Variants in LARGE1 observed in about 807,000 individuals in gnomAD.
LARGE1 encodes the protein LARGE xylosyl- and glucuronyltransferase 1.
A neutral mutation model predicts 87.6 loss-of-function variants in LARGE1; 43 were observed. That is an observed-to-expected ratio of 0.49 (90% CI 0.38 to 0.63). The LOEUF (loss-of-function observed/expected upper bound fraction) is 0.63. Among genes scored for constraint, LARGE1 ranks in the 30% least tolerant of loss-of-function variants. The pLI, the probability that LARGE1 is intolerant of heterozygous loss-of-function variation, is 0.00. For missense variants in LARGE1, 802 were observed against 1,000.2 expected (o/e 0.80, Z 2.67); for synonymous variants, 434 against 394.6 (o/e 1.10, Z -1.18).
intron 2 of LARGE1, among the ~76,000 whole-genome samples, chr22:33,748,914 T>C (rs1040147168): frequency 6.6e-6 from 1 of 152,198 alleles, no homozygotes; most frequent in Non-Finnish European, 1.5e-5. Flanking sequence ...ATATCACAGT[T>C]CTCTAGGTTT....
At chr22:33,433,607 C>CA (rs57605083) in intron 6 of LARGE1, among the ~76,000 whole-genome samples, 1,026 of 88,240 alleles carry the variant, frequency 0.012, 6 homozygotes, top group Middle Eastern at 0.059. Flanking sequence ...AAAAACAAAA[C>CA]AAAAAAAAAA....
intron 3 of LARGE1, among the ~76,000 whole-genome samples, chr22:33,636,616 T>C (rs2080275278): frequency 6.6e-6 from 1 of 152,090 alleles, no homozygotes; most frequent in Non-Finnish European, 1.5e-5. Context: ...CAGCCTCAAA[T>C]TCCTGGGCTC....
intron 5 of LARGE1, among the ~76,000 whole-genome samples, chr22:33,597,160 T>C (rs573825057): frequency 9.4e-4 from 142 of 150,754 alleles, no homozygotes; most frequent in Non-Finnish European, 1.6e-3. Context: ...CACTGAACTA[T>C]AAACCAGGCC....
chr22:33,096,560 GTTTTTGTTTT>G, the LARGE1 span, among the ~76,000 whole-genome samples: 619 of 127,520 alleles, frequency 4.9e-3, 5 homozygotes, highest in African/African-American at 0.017. Context: ...GTTTGTTTTT[GTTTTTGTTTT>G]TTTTTTTTTT....
intron 9 of LARGE1, among the ~76,000 whole-genome samples, chr22:33,381,533 C>A (rs2065158042): frequency 6.6e-6 from 1 of 152,168 alleles, no homozygotes; most frequent in African/African-American, 2.4e-5. Context: ...TCCTCCAAGT[C>A]ATACATGACT....
intron 11 of LARGE1, among the ~76,000 whole-genome samples, chr22:33,239,535 C>CTTTTTTTTTTT (rs71187254): frequency 1.0e-4 from 10 of 95,314 alleles, no homozygotes; most frequent in Non-Finnish European, 1.8e-4. Flanking sequence ...TTTTTCTTTT[C>CTTTTTTTTTTT]TTTTTTTTTT....
chr22:33,454,623 AAAAAAAAAAAAAG>A (rs2068059931), intron 6 of LARGE1, among the ~76,000 whole-genome samples: 1 of 150,386 alleles, frequency 6.6e-6, no homozygotes, highest in African/African-American at 2.5e-5. Flanking sequence ...GTCTAAAAAA[AAAAAAAAAAAAAG>A]AAGAAGAAGA....
intron 2 of LARGE1, among the ~76,000 whole-genome samples, chr22:33,654,812 A>G (rs140126632): frequency 6.6e-6 from 1 of 152,348 alleles, no homozygotes; most frequent in East Asian, 1.9e-4. Context: ...AGACAGCAAG[A>G]GAGGCATGGA....
chr22:33,149,536 T>C, the LARGE1 span, among the ~76,000 whole-genome samples: 3 of 152,196 alleles, frequency 2.0e-5, no homozygotes, highest in African/African-American at 7.2e-5. Context: ...TGTGTTTGTT[T>C]CCTATTGCTG....
intron 4 of LARGE1, among the ~76,000 whole-genome samples, chr22:33,623,454 G>A (rs957068477): frequency 5.3e-5 from 8 of 152,116 alleles, no homozygotes; most frequent in African/African-American, 1.9e-4. Context: ...ACAGCGCTAT[G>A]AGGAAGAACT....
intron 1 of LARGE1, among the ~76,000 whole-genome samples, chr22:33,807,598 T>C (rs1386434049): frequency 6.6e-6 from 1 of 152,238 alleles, no homozygotes. Flanking sequence ...TTGAGGAATA[T>C]GTAATTACAC....
chr22:33,862,161 G>A (rs894510851), intron 1 of LARGE1, among the ~76,000 whole-genome samples: 22 of 152,144 alleles, frequency 1.4e-4, no homozygotes, highest in South Asian at 2.1e-4. Flanking sequence ...GTGCCCGGCA[G>A]GAACCAGATG....
chr22:33,776,910 T>C (rs2085255781), intron 1 of LARGE1, among the ~76,000 whole-genome samples: 1 of 152,144 alleles, frequency 6.6e-6, no homozygotes. Context: ...GGGTACATGC[T>C]AGGCCAGGTC....
rs537883631 is a variant in LARGE1, at chr22:33,352,012, C to G, written c.1132-14211G>C. On this transcript the variant is annotated intron_variant, in intron 9 of 14. Transcript: ENST00000397394. ...TCAGCCTCCCAAAGTGCTGGGATTACAGGCGTGAGCCCCCAAGGCCTGGCA... is the reference window on the plus strand; with the variant it reads ...TCAGCCTCCCAAAGTGCTGGGATTAGAGGCGTGAGCCCCCAAGGCCTGGCA... Among the ~76,000 whole-genome samples the G allele has an allele frequency of 1.3e-3, 205 of 152,334 alleles. 1 individual carries two copies. Among genetic ancestry groups the G allele is most frequent in the African/African-American group, 4.8e-3 (198 of 41,576 alleles).
rs1217376084 is a variant in LARGE1 at position 33,607,461 on chromosome 22, C to CAAAAAAAAAAAAAAAAAAAAAAAAAAAA, written c.492-2904_492-2903insTTTTTTTTTTTTTTTTTTTTTTTTTTTT. On this transcript the variant is annotated intron_variant, in intron 4 of 14. Transcript: ENST00000397394. ...GGGCAACAAGAGCAAAACTGCATCT[C>CAAAAAAAAAAAAAAAAAAAAAAAAAAAA]AAAAAAAAAAAAAAAAAAAAAAAGT... Among the ~76,000 whole-genome samples, 2 of 58,004 alleles carry CAAAAAAAAAAAAAAAAAAAAAAAAAAAA rather than the reference C, an allele frequency of 3.4e-5. 1 individual carries two copies. The allele number at this position is 58,004 out of a possible 152,430, so 38.1% of individuals were successfully genotyped here.
At chr22:33,878,037 C>T (rs2064524160) in intron 1 of LARGE1, among the ~76,000 whole-genome samples, 1 of 150,096 alleles carries the variant, frequency 6.7e-6, no homozygotes, top group African/African-American at 2.4e-5. Context: ...CTAAATACAA[C>T]ATATTATTAA....
At chr22:33,217,011 G>A (rs557981608) in intron 11 of LARGE1, among the ~76,000 whole-genome samples, 11 of 152,194 alleles carry the variant, frequency 7.2e-5, no homozygotes, top group African/African-American at 1.9e-4. Flanking sequence ...TTAAAACGTC[G>A]GACAGTACTT....
At chr22:33,897,024 A>T (rs1331480662) in intron 1 of LARGE1, among the ~76,000 whole-genome samples, 1 of 152,086 alleles carries the variant, frequency 6.6e-6, no homozygotes, top group East Asian at 1.9e-4. Flanking sequence ...CCTGTCTCTC[A>T]CTTCCTGGAT....
chr22:33,247,454 T>C (rs1455533977), intron 11 of LARGE1, among the ~76,000 whole-genome samples: 1 of 152,210 alleles, frequency 6.6e-6, no homozygotes, highest in Non-Finnish European at 1.5e-5. Flanking sequence ...AAACTAATGA[T>C]ATATTATTGA....
Sources: allele counts gnomAD v4.1 joint callset (sites outside exome capture counted in the v4.1 genomes callset), GRCh38; gene constraint gnomAD v4.1.1; transcripts MANE v1.5; gene names NCBI Gene and HGNC (gene_info 2026-07-23, HGNC 2026-07-21).